Variants in SCARB1 observed in about 807,000 individuals in gnomAD.
SCARB1 encodes CD36 and LIMPII analogous 1.
A neutral mutation model predicts 57.2 loss-of-function variants in SCARB1; 30 were observed. That is an observed-to-expected ratio of 0.52 (90% CI 0.39 to 0.71). SCARB1 has a LOEUF of 0.71. SCARB1 is among the 30% of genes least tolerant of loss of function. The pLI is 0.00. For missense variants in SCARB1, 543 were observed against 671.2 expected (o/e 0.81, Z 2.11); for synonymous variants, 249 against 268.3 (o/e 0.93, Z 0.70).
At chr12:124,831,871 A>G (rs1304259251) in intron 1 of SCARB1, among the ~76,000 whole-genome samples, 6 of 152,188 alleles carry the variant, frequency 3.9e-5, no homozygotes, top group African/African-American at 1.4e-4. Context: ...AGAACAACAG[A>G]CAAATCCCAG....
chr12:124,824,646 T>G (rs1951068413), intron 1 of SCARB1, among the ~76,000 whole-genome samples: 1 of 152,212 alleles, frequency 6.6e-6, no homozygotes, highest in Non-Finnish European at 1.5e-5. Flanking sequence ...CAGGCAAAGA[T>G]GTTTGGAAAC....
At chr12:124,829,816 A>C (rs1427329716) in intron 1 of SCARB1, among the ~76,000 whole-genome samples, 3 of 152,254 alleles carry the variant, frequency 2.0e-5, no homozygotes, top group Admixed American at 6.5e-5. Context: ...AATAGTGAAC[A>C]AAATGGATGA....
At position 124,787,448 on chromosome 12, in the gene SCARB1, C is replaced by G; in HGVS notation, c.1212G>C (p.Gly404=). 6.2e-7 allele frequency: 1 copy of G among 1,613,638 alleles called. No individual in the cohort carries two copies. The highest frequency in any genetic ancestry group is 8.5e-7 in the Non-Finnish European group (1 of 1,179,840). ...MKSVAGIGQT[G]KIEPVVLPLL... ...GCGGCAGGACCACAGGCTCAATCTT[C>G]CCAGTTTGTCTGGAAATAAGCAAGA... The change falls in exon 10 of 13, where the codon GGG becomes GGC. Residue 404 remains glycine (G), a synonymous_variant. Transcript: ENST00000261693.
At position 124,814,534 on chromosome 12, in the gene SCARB1, GC is replaced by G; in HGVS notation, c.427-130del. 1 of 912,990 alleles carries G rather than the reference GC, an allele frequency of 1.1e-6. No homozygotes were observed. Among genetic ancestry groups the G allele is most frequent in the Non-Finnish European group, 1.8e-6 (1 of 568,154 alleles). The allele number at this position is 912,990 out of a possible 1,614,324, so 56.6% of individuals were successfully genotyped here. ...TGGGGTGCAGGAGGCCCCTGGAGTG[GC>G]CACGTGGGGCATCTGGGACACCAGA... On this transcript the variant is annotated intron_variant, in intron 3 of 12. Coordinates refer to ENST00000261693, the MANE Select transcript of SCARB1 (RefSeq NM_005505.5). The surrounding 1 kb of genome is among the most constrained non-coding windows in gnomAD (Gnocchi z 4.7).
intron 12 of SCARB1, among the ~76,000 whole-genome samples, chr12:124,779,850 G>A (rs138533331): frequency 1.3e-5 from 2 of 152,226 alleles, no homozygotes; most frequent in African/African-American, 4.8e-5. Context: ...GCGGGCACAG[G>A]GGCCAGGGTC....
At chr12:124,856,169 T>C (rs936884540) in intron 1 of SCARB1, among the ~76,000 whole-genome samples, 7 of 152,356 alleles carry the variant, frequency 4.6e-5, no homozygotes, top group Non-Finnish European at 1.0e-4. Context: ...TCAACATGTA[T>C]GTGCAGACAC....
chr12:124,841,474 T>A (rs1594363545), intron 1 of SCARB1, among the ~76,000 whole-genome samples: 1 of 140,620 alleles, frequency 7.1e-6, no homozygotes, highest in African/African-American at 2.8e-5. Flanking sequence ...AGAGAAAGAC[T>A]CTGTCTCAAA....
chr12:124,830,301 C>T (rs753851876), intron 1 of SCARB1, among the ~76,000 whole-genome samples: 2 of 152,174 alleles, frequency 1.3e-5, no homozygotes, highest in Non-Finnish European at 2.9e-5. Flanking sequence ...CAAAGCTGGA[C>T]GTTCACCCTA....
chr12:124,850,700 A>T (rs1471651136), intron 1 of SCARB1, among the ~76,000 whole-genome samples: 1 of 152,212 alleles, frequency 6.6e-6, no homozygotes, highest in Non-Finnish European at 1.5e-5. Context: ...ATATAAGTAA[A>T]TACATACATA....
chr12:124,836,167 C>CAT lies in SCARB1; in HGVS notation c.127-18461_127-18460insAT, dbSNP rs1951639572. Among the ~76,000 whole-genome samples the CAT allele has an allele frequency of 1.3e-5, 2 of 152,200 alleles. 1 individual carries two copies. The highest frequency in any genetic ancestry group is 4.1e-4 in the South Asian group (2 of 4,836). The stretch of plus-strand genomic sequence containing the variant: ...ACTGAGCAGGAAGTGGGGAAGAGGA[C>CAT]ACGCAATTCACAAGTGACTCAGGTA... On this transcript the variant is annotated intron_variant, in intron 1 of 12. Coordinates refer to ENST00000261693, the MANE Select transcript of SCARB1 (RefSeq NM_005505.5).
chr12:124,787,375 GC>G, intron 10 of SCARB1, 30 bp downstream of exon 10: 1 of 1,610,124 alleles, frequency 6.2e-7, no homozygotes, highest in South Asian at 1.1e-5. Flanking sequence ...CTTAACAAAA[GC>G]CCCCGACGCT....
rs181893442 is a variant in SCARB1, at chr12:124,851,445, T to C, written c.126+12150A>G. ...GGTCACTGCTGTTTTCCTTTTTTTT[T>C]CTAATTGAATGCATGTAGATGATTT... On this transcript the variant is annotated intron_variant, in intron 1 of 12. Transcript: ENST00000261693. 6.6e-5 allele frequency among the ~76,000 whole-genome samples: 10 copies of C among 151,992 alleles called. No homozygotes were observed. In the East Asian group the frequency reaches 1.7e-3, roughly 26 times the overall value.
chr12:124,857,763 T>C (rs914642371), intron 1 of SCARB1, among the ~76,000 whole-genome samples: 16 of 152,028 alleles, frequency 1.1e-4, no homozygotes, highest in African/African-American at 3.9e-4. Context: ...GGATCATAGG[T>C]GGGGGAAGCC....
At chr12:124,778,866 G>T (rs1156922336) in intron 12 of SCARB1, among the ~76,000 whole-genome samples, 2 of 152,304 alleles carry the variant, frequency 1.3e-5, no homozygotes, top group East Asian at 1.9e-4. Flanking sequence ...GCAGAGCAAG[G>T]GGGGCGGCCT....
chr12:124,787,712 G>T (rs1032491663), intron 9 of SCARB1, among the ~76,000 whole-genome samples: 9 of 130,030 alleles, frequency 6.9e-5, no homozygotes, highest in South Asian at 2.5e-4. Context: ...AAGGCGTTTT[G>T]TTTTTTTTTT....
At chr12:124,827,170 C>T (rs943620884) in intron 1 of SCARB1, among the ~76,000 whole-genome samples, 49 of 152,268 alleles carry the variant, frequency 3.2e-4, no homozygotes, top group African/African-American at 1.1e-3. Context: ...GGTTTTTATT[C>T]GGCCGGGAGC....
chr12:124,837,203 C>A (rs761883008), intron 1 of SCARB1, among the ~76,000 whole-genome samples: 5 of 152,156 alleles, frequency 3.3e-5, no homozygotes, highest in Non-Finnish European at 7.3e-5. Context: ...TGATCCCAGC[C>A]CCACTGTTTC....
At chr12:124,787,338 C>T in intron 10 of SCARB1, 68 bp downstream of exon 10, 1 of 1,471,494 alleles carries the variant, frequency 6.8e-7, no homozygotes. Context: ...CTCCCCCCGC[C>T]TCCTGCCTCA....
chr12:124,849,879 A>G (rs541734520), intron 1 of SCARB1, among the ~76,000 whole-genome samples: 1 of 129,070 alleles, frequency 7.7e-6, no homozygotes, highest in African/African-American at 2.9e-5. Context: ...CCTGGGCAAC[A>G]TAGCAAGACC....
Sources: allele counts gnomAD v4.1 joint callset (sites outside exome capture counted in the v4.1 genomes callset), GRCh38; gene constraint gnomAD v4.1.1; non-coding constraint Gnocchi (gnomAD v3.1); transcripts MANE v1.5; gene names NCBI Gene and HGNC (gene_info 2026-07-23, HGNC 2026-07-21).